The following IGSF21 variants were observed in gnomAD, a reference collection of about 807,000 sequenced individuals.
The protein encoded by IGSF21 is immunoglobulin superfamily member 21.
A neutral mutation model predicts 46.8 loss-of-function variants in IGSF21; 28 were observed. That is an observed-to-expected ratio of 0.60 (90% CI 0.44 to 0.82). IGSF21 has a LOEUF of 0.82. Among genes scored for constraint, IGSF21 ranks in the 40% least tolerant of loss-of-function variants. The probability of loss-of-function intolerance (pLI) is 0.00; values close to 1 mark genes in which losing one functional copy is unlikely to be tolerated. For synonymous variants in IGSF21, 284 were observed against 273.6 expected, an observed-to-expected ratio of 1.04 and a Z score of -0.38; for missense variants, 624 against 665.5, an observed-to-expected ratio of 0.94 and a Z score of 0.69.
At chr1:18,283,912 T>C (rs2085187344) in intron 2 of IGSF21, among the ~76,000 whole-genome samples, 2 of 152,102 alleles carry the variant, frequency 1.3e-5, no homozygotes, top group Non-Finnish European at 2.9e-5. Context: ...TAAAAAAAAA[T>C]GTTGAAAAGG....
At chr1:18,129,764 A>T (rs1229475135) in intron 1 of IGSF21, among the ~76,000 whole-genome samples, 2 of 152,298 alleles carry the variant, frequency 1.3e-5, no homozygotes, top group South Asian at 2.1e-4. Flanking sequence ...TTGAAATTTA[A>T]TTGCCATTGT....
At chr1:18,359,383 A>AAAGAAAGAATGG (rs1557659626) in intron 4 of IGSF21, among the ~76,000 whole-genome samples, 70 of 61,106 alleles carry the variant, frequency 1.1e-3, no homozygotes, top group African/African-American at 4.4e-3. Context: ...AGAAAGAAAG[A>AAAGAAAGAATGG]AAGGAAGGAA....
At chr1:18,313,191 G>T (rs1383771631) in intron 3 of IGSF21, among the ~76,000 whole-genome samples, 1 of 152,206 alleles carries the variant, frequency 6.6e-6, no homozygotes, top group African/African-American at 2.4e-5. Context: ...TGAGGGAGGG[G>T]AAGAAACTCG....
At chr1:18,131,176 T>C (rs1354908049) in intron 1 of IGSF21, among the ~76,000 whole-genome samples, 4 of 152,212 alleles carry the variant, frequency 2.6e-5, no homozygotes, top group Non-Finnish European at 5.9e-5. Flanking sequence ...CTGTCCCTGC[T>C]TGGGGAGGGG....
At chr1:18,372,134 T>C (rs1159195367) in intron 6 of IGSF21, among the ~76,000 whole-genome samples, 1 of 152,238 alleles carries the variant, frequency 6.6e-6, no homozygotes, top group Non-Finnish European at 1.5e-5. Context: ...GGGTCTTCTT[T>C]ATCCGCCTAG....
At chr1:18,362,252 A>C in intron 5 of IGSF21, 22 bp downstream of exon 5, 1 of 1,541,816 alleles carries the variant, frequency 6.5e-7, no homozygotes, top group Non-Finnish European at 8.9e-7. Flanking sequence ...TGGAGTGCCC[A>C]GCTCCTTCCT....
rs115470715 is a variant in IGSF21, at chr1:18,274,731, T to C, written c.184-17135T>C. Among the ~76,000 whole-genome samples, 1,389 of 152,324 alleles carry C rather than the reference T, an allele frequency of 9.1e-3. 19 individuals carry two copies. Among genetic ancestry groups the C allele is most frequent in the Middle Eastern group, 0.044 (13 of 294 alleles). Reference sequence around the variant, plus strand: ...ATCTCTTTCTTGCTTAGAACTAGAATTGGCCACCTAATGACTGGGCATGGT... The same window carrying C: ...ATCTCTTTCTTGCTTAGAACTAGAACTGGCCACCTAATGACTGGGCATGGT... On this transcript the variant is annotated intron_variant, in intron 2 of 9. Transcript: ENST00000251296.
chr1:18,295,804 AC>A (rs1477340790), intron 3 of IGSF21, among the ~76,000 whole-genome samples: 2 of 152,158 alleles, frequency 1.3e-5, no homozygotes, highest in African/African-American at 4.8e-5. Flanking sequence ...AGTTGACGCC[AC>A]CCCGGGAGCA....
chr1:18,367,758 C>T (rs774190328), intron 6 of IGSF21, among the ~76,000 whole-genome samples: 7 of 147,190 alleles, frequency 4.8e-5, no homozygotes, highest in Non-Finnish European at 8.9e-5. Flanking sequence ...AGGTGCCTTC[C>T]ACCACATCCT....
intron 1 of IGSF21, among the ~76,000 whole-genome samples, chr1:18,159,091 T>C (rs1414163396): frequency 6.6e-6 from 1 of 152,202 alleles, no homozygotes; most frequent in Non-Finnish European, 1.5e-5. Flanking sequence ...CCCCTGACCA[T>C]CACATCGTGC....
chr1:18,180,454 A>G (rs2086846407), intron 1 of IGSF21, among the ~76,000 whole-genome samples: 1 of 152,232 alleles, frequency 6.6e-6, no homozygotes, highest in African/African-American at 2.4e-5. Flanking sequence ...AGGCCTGGAC[A>G]TACAAACAAG....
chr1:18,240,173 C>T (rs1285532855), intron 2 of IGSF21, among the ~76,000 whole-genome samples: 1 of 152,148 alleles, frequency 6.6e-6, no homozygotes, highest in Non-Finnish European at 1.5e-5. Context: ...CCCAGCTACT[C>T]AAGAGGCTGA....
intron 3 of IGSF21, among the ~76,000 whole-genome samples, chr1:18,311,550 G>A (rs1192156863): frequency 6.6e-6 from 1 of 152,184 alleles, no homozygotes; most frequent in Non-Finnish European, 1.5e-5. Flanking sequence ...TACCTGGATT[G>A]TTCCAGGAGG....
intron 1 of IGSF21, among the ~76,000 whole-genome samples, chr1:18,196,688 C>T (rs955057241): frequency 1.4e-4 from 21 of 152,178 alleles, no homozygotes; most frequent in African/African-American, 4.8e-4. Context: ...CTTCTTATAT[C>T]TGTTTGATAG....
chr1:18,248,186 G>A (rs1397322653), intron 2 of IGSF21, among the ~76,000 whole-genome samples: 1 of 152,210 alleles, frequency 6.6e-6, no homozygotes, highest in East Asian at 1.9e-4. Context: ...CTGAGCTTCT[G>A]CCTCTACTTC....
chr1:18,134,818 C>T (rs929943522), intron 1 of IGSF21, among the ~76,000 whole-genome samples: 2 of 152,258 alleles, frequency 1.3e-5, no homozygotes, highest in African/African-American at 4.8e-5. Context: ...ACTCAACCTG[C>T]TCAGACCGGG....
chr1:18,276,119 C>A (rs1257552947), intron 2 of IGSF21, among the ~76,000 whole-genome samples: 1 of 152,228 alleles, frequency 6.6e-6, no homozygotes, highest in Non-Finnish European at 1.5e-5. Flanking sequence ...CAAATAGAGC[C>A]TTGTAACAGA....
chr1:18,238,524 A>G (rs2084694481), intron 2 of IGSF21, among the ~76,000 whole-genome samples: 1 of 152,184 alleles, frequency 6.6e-6, no homozygotes, highest in East Asian at 1.9e-4. Context: ...AAGCAAATCC[A>G]TCTTCTCTTG....
At chr1:18,186,321 A>G (rs1394828200) in intron 1 of IGSF21, among the ~76,000 whole-genome samples, 2 of 152,108 alleles carry the variant, frequency 1.3e-5, no homozygotes, top group South Asian at 2.1e-4. Flanking sequence ...TTGAATCTCA[A>G]TCTCTCTGTC....
Sources: gnomAD v4.1 joint callset for allele counts (sites outside exome capture counted in the v4.1 genomes callset) on GRCh38, gnomAD v4.1.1 for gene constraint, MANE v1.5 for transcripts, NCBI Gene and HGNC (gene_info 2026-07-23, HGNC 2026-07-21) for gene names.